The following VTCN1 variants were observed in gnomAD, a reference collection of about 807,000 sequenced individuals.
VTCN1 encodes the protein V-set domain-containing T-cell activation inhibitor 1.
In VTCN1, 26 loss-of-function variants were observed where a neutral mutation model predicts 26.5. The observed-to-expected ratio is 0.98, with a 90% CI of 0.72 to 1.36. The LOEUF (loss-of-function observed/expected upper bound fraction) is 1.36. VTCN1 is among the 40% of genes most tolerant of loss of function. The pLI is 0.00. For missense variants in VTCN1, 298 were observed against 337.7 expected (o/e 0.88, Z 0.92); for synonymous variants, 116 against 130.7 (o/e 0.89, Z 0.77).
Position 117,169,999 on chromosome 1 carries a change from A to G in VTCN1, c.97+108T>C, listed in dbSNP as rs1652816864. The G allele has an allele frequency of 2.0e-6, 2 of 1,021,496 alleles. No homozygotes were observed. The highest frequency in any genetic ancestry group is 3.1e-6 in the Non-Finnish European group (2 of 654,802). 63.3% of individuals were successfully genotyped at this position (1,021,496 alleles called of 1,614,324 possible). ...GTAGAAGAATGAATGCTATACTCTG[A>G]GGTTTTCTGGGTCAAAGCTCTGGGC... On this transcript the variant is annotated intron_variant, in intron 2 of 5. Transcript: ENST00000369458. The surrounding 1 kb of genome is among the most constrained non-coding windows in gnomAD (Gnocchi z 4.0).
At chr1:117,154,005 G>A (rs1474534450) in intron 3 of VTCN1, among the ~76,000 whole-genome samples, 1 of 152,186 alleles carries the variant, frequency 6.6e-6, no homozygotes, top group Non-Finnish European at 1.5e-5. Flanking sequence ...CCCATATCCA[G>A]GCAGAGAGAC....
chr1:117,186,830 C>G (rs1471162671), intron 1 of VTCN1, among the ~76,000 whole-genome samples: 1 of 151,960 alleles, frequency 6.6e-6, no homozygotes, highest in Non-Finnish European at 1.5e-5. Context: ...GAGTTCGAGA[C>G]CAGCCTGGGC....
At chr1:117,207,444 AC>A (rs1351442279) in intron 1 of VTCN1, among the ~76,000 whole-genome samples, 2 of 150,264 alleles carry the variant, frequency 1.3e-5, no homozygotes, top group Non-Finnish European at 3.0e-5. Context: ...TCTTTCCCTG[AC>A]CCCCCTCTTC....
In VTCN1 at chr1:117,144,276, G is replaced by A. The variant is rs1431849706; in HGVS notation, c.*995C>T. On this transcript the variant is annotated 3_prime_UTR_variant, in exon 6 of 6. Coordinates refer to ENST00000369458, the MANE Select transcript of VTCN1 (RefSeq NM_024626.4). ...CGTCCTGTACATGGTAGGAGGTTGA[G>A]CAGCATCCCTGGCCTCTATCCACTA... 1.3e-5 allele frequency: 2 copies of A among 152,228 alleles called. No homozygotes were observed. Among genetic ancestry groups the A allele is most frequent in the East Asian group, 3.8e-4 (2 of 5,200 alleles). The allele number at this position is 152,228 out of a possible 1,614,324, so 9.4% of individuals were successfully genotyped here.
chr1:117,176,853 C>CT (rs200736713), intron 1 of VTCN1, among the ~76,000 whole-genome samples: 2,185 of 152,286 alleles, frequency 0.014, 59 homozygotes, highest in African/African-American at 0.051. Context: ...AATCCCAGCA[C>CT]TTTGGGAGGC....
intron 1 of VTCN1, among the ~76,000 whole-genome samples, chr1:117,185,648 G>A (rs529718559): frequency 3.9e-5 from 6 of 152,254 alleles, no homozygotes; most frequent in South Asian, 2.1e-4. Flanking sequence ...GGCTTTATCC[G>A]ATAAGAAACA....
At chr1:117,204,332 C>T (rs953750959) in intron 1 of VTCN1, among the ~76,000 whole-genome samples, 2 of 152,120 alleles carry the variant, frequency 1.3e-5, no homozygotes, top group African/African-American at 2.4e-5. Flanking sequence ...AATGAAGACA[C>T]AGAGAGATTA....
chr1:117,157,052 A>G, intron 2 of VTCN1, 131 bp from the exon 3 acceptor site: 1 of 1,511,436 alleles, frequency 6.6e-7, no homozygotes, highest in Non-Finnish European at 9.1e-7. Context: ...GAGAGGCAAT[A>G]AGAAGACAAG....
chr1:117,192,678 T>A (rs1260627273), intron 1 of VTCN1, among the ~76,000 whole-genome samples: 1 of 152,220 alleles, frequency 6.6e-6, no homozygotes, highest in African/African-American at 2.4e-5. Flanking sequence ...TAGAGTTTCA[T>A]GTGCAATTGA....
intron 3 of VTCN1, among the ~76,000 whole-genome samples, chr1:117,154,846 G>A (rs1651987505): frequency 6.6e-6 from 1 of 151,602 alleles, no homozygotes; most frequent in Non-Finnish European, 1.5e-5. Context: ...ACCGCCAATG[G>A]TATATTACTA....
At chr1:117,203,703 T>C (rs990965021) in intron 1 of VTCN1, 2 of 985,400 alleles carry the variant, frequency 2.0e-6, no homozygotes, top group Non-Finnish European at 2.4e-6. Context: ...GAATGTGGAA[T>C]GATAAATGAT....
chr1:117,160,401 G>A (rs116493772), intron 2 of VTCN1, among the ~76,000 whole-genome samples: 1,597 of 152,126 alleles, frequency 0.01, 13 homozygotes, highest in Non-Finnish European at 0.014. Flanking sequence ...TTTCATCTTC[G>A]CCTCCATCCA....
chr1:117,162,324 G>A (rs373988109), intron 2 of VTCN1, among the ~76,000 whole-genome samples: 35 of 152,220 alleles, frequency 2.3e-4, no homozygotes, highest in African/African-American at 8.2e-4. Context: ...GCAACCACAT[G>A]TAAATATTAC....
intron 1 of VTCN1, among the ~76,000 whole-genome samples, chr1:117,198,684 T>C (rs951818354): frequency 1.4e-4 from 21 of 152,124 alleles, no homozygotes; most frequent in African/African-American, 4.3e-4. Flanking sequence ...TAAACTAAGA[T>C]GAGAATAATA....
At chr1:117,193,287 A>G (rs1224211411) in intron 1 of VTCN1, among the ~76,000 whole-genome samples, 1 of 152,144 alleles carries the variant, frequency 6.6e-6, no homozygotes, top group Admixed American at 6.5e-5. Context: ...AATGGATTAC[A>G]TTTTTCAGTC....
At chr1:117,192,008 G>GATATATATATATATATATATATAT (rs34397281) in intron 1 of VTCN1, among the ~76,000 whole-genome samples, 4 of 148,070 alleles carry the variant, frequency 2.7e-5, no homozygotes, top group African/African-American at 1.0e-4. Flanking sequence ...ATTCTTAGGA[G>GATATATATATATATATATATATAT]ATATATAGAT....
intron 1 of VTCN1, among the ~76,000 whole-genome samples, chr1:117,205,899 C>T (rs1450384703): frequency 6.6e-6 from 1 of 151,890 alleles, no homozygotes; most frequent in Non-Finnish European, 1.5e-5. Context: ...TCCAATTGGC[C>T]CCTGAGGTTG....
At chr1:117,191,202 T>C (rs1648226338) in intron 1 of VTCN1, among the ~76,000 whole-genome samples, 1 of 152,096 alleles carries the variant, frequency 6.6e-6, no homozygotes, top group African/African-American at 2.4e-5. Flanking sequence ...TAAATACAGG[T>C]CATTTGCAAT....
chr1:117,195,469 T>C (rs976026213), intron 1 of VTCN1, among the ~76,000 whole-genome samples: 23 of 151,916 alleles, frequency 1.5e-4, no homozygotes, highest in African/African-American at 5.3e-4. Context: ...CTTAAATATA[T>C]AGAATTTTTG....
Sources: gnomAD v4.1 joint callset for allele counts (sites outside exome capture counted in the v4.1 genomes callset) on GRCh38, gnomAD v4.1.1 for gene constraint, Gnocchi (gnomAD v3.1) non-coding constraint, MANE v1.5 for transcripts, NCBI Gene and HGNC (gene_info 2026-07-23, HGNC 2026-07-21) for gene names.